The following SPPL3 variants were observed in gnomAD, a reference collection of about 807,000 sequenced individuals.
SPPL3 encodes signal peptide peptidase-like 3.
SPPL3 carries 5 observed loss-of-function variants against 42.4 expected under a neutral mutation model. The observed-to-expected ratio is 0.12, with a 90% CI of 0.06 to 0.25. SPPL3 has a LOEUF of 0.25. SPPL3 is among the 10% of genes least tolerant of loss of function. The pLI is 1.00. For missense variants in SPPL3, 235 were observed against 489.0 expected (o/e 0.48, Z 4.90); for synonymous variants, 195 against 181.8 (o/e 1.07, Z -0.58).
intron 1 of SPPL3, among the ~76,000 whole-genome samples, chr12:120,898,316 A>ATT (rs1873875409): frequency 1.1e-5 from 1 of 87,012 alleles, no homozygotes; most frequent in Non-Finnish European, 2.4e-5. Context: ...TTTTTTTTTA[A>ATT]AAAAAAAAAA....
chr12:120,852,770 T>TTC lies in SPPL3; in HGVS notation c.24-41885_24-41884insGA, dbSNP rs1474669819. On this transcript the variant is annotated intron_variant, in intron 1 of 10. Coordinates refer to ENST00000353487, the MANE Select transcript of SPPL3 (RefSeq NM_139015.5). ...TTTCATATATTATATCTATGTATATTATATATAAAATATATTTCATATATC... is the reference window on the plus strand; with the variant it reads ...TTTCATATATTATATCTATGTATATTTCATATATAAAATATATTTCATATATC... Among the ~76,000 whole-genome samples, 8 of 98,320 alleles carry TTC rather than the reference T, an allele frequency of 8.1e-5. No individual in the cohort carries two copies. The South Asian group carries it at 2.3e-3, about 28-fold the overall frequency. 64.5% of individuals were successfully genotyped at this position (98,320 alleles called of 152,430 possible).
At chr12:120,878,959 C>CAAA (rs1161015666) in intron 1 of SPPL3, among the ~76,000 whole-genome samples, 223 of 151,288 alleles carry the variant, frequency 1.5e-3, no homozygotes, top group African/African-American at 5.1e-3. Context: ...ACATAAAATA[C>CAAA]AAAATTAGCT....
chr12:120,886,356 C>T (rs1305701144), intron 1 of SPPL3, among the ~76,000 whole-genome samples: 2 of 152,006 alleles, frequency 1.3e-5, no homozygotes, highest in Non-Finnish European at 2.9e-5. Flanking sequence ...TATAGCAGAG[C>T]CCCAAAAGGC....
At chr12:120,890,588 C>CAAA (rs34253596) in intron 1 of SPPL3, among the ~76,000 whole-genome samples, 12 of 91,408 alleles carry the variant, frequency 1.3e-4, no homozygotes, top group South Asian at 3.5e-4. Flanking sequence ...GACTCCGTCT[C>CAAA]AAAAAAAAAA....
rs118120765 is a variant in SPPL3 at position 120,888,747 on chromosome 12, T to C, written c.23+15098A>G. On this transcript the variant is annotated intron_variant, in intron 1 of 10. Coordinates refer to ENST00000353487, the MANE Select transcript of SPPL3 (RefSeq NM_139015.5). ...GGTGACGACTGCCCAACTCTGTAGA[T>C]ATAATAAAAACTACTTAATTGTACA... Among the ~76,000 whole-genome samples the C allele has an allele frequency of 5.0e-4, 76 of 152,302 alleles. No individual in the cohort carries two copies. The East Asian group carries it at 0.014, about 28-fold the overall frequency.
chr12:120,899,330 T>A (rs1424352599), intron 1 of SPPL3, among the ~76,000 whole-genome samples: 1 of 152,180 alleles, frequency 6.6e-6, no homozygotes, highest in African/African-American at 2.4e-5. Context: ...AGTACTTGGG[T>A]TATAAACACT....
intron 1 of SPPL3, among the ~76,000 whole-genome samples, chr12:120,860,723 T>C (rs988028370): frequency 6.6e-6 from 1 of 152,174 alleles, no homozygotes; most frequent in African/African-American, 2.4e-5. Flanking sequence ...AAGGAGAAAT[T>C]AGTCTGGTAC....
intron 2 of SPPL3, among the ~76,000 whole-genome samples, chr12:120,797,221 T>C (rs918941606): frequency 6.6e-6 from 1 of 151,920 alleles, no homozygotes; most frequent in Non-Finnish European, 1.5e-5. Context: ...TGTTCAAGGA[T>C]TCTGTGTAGA....
chr12:120,853,182 C>T (rs112428213), intron 1 of SPPL3, among the ~76,000 whole-genome samples: 7 of 152,230 alleles, frequency 4.6e-5, no homozygotes, highest in South Asian at 4.1e-4. Flanking sequence ...CAGGCATGAG[C>T]CACTACGCCC....
chr12:120,810,406 C>G (rs1032946847), intron 2 of SPPL3, among the ~76,000 whole-genome samples: 18 of 151,944 alleles, frequency 1.2e-4, no homozygotes, highest in African/African-American at 3.9e-4. Context: ...ATGAAATGTT[C>G]TCTTTGTCAT....
At chr12:120,766,141 C>T (rs896996277) in intron 10 of SPPL3, 122 bp downstream of exon 10, 3 of 681,066 alleles carry the variant, frequency 4.4e-6, no homozygotes, top group African/African-American at 3.7e-5. Flanking sequence ...CACACACACA[C>T]AGTCGAGATC....
chr12:120,855,011 A>AG (rs1398776217), intron 1 of SPPL3, among the ~76,000 whole-genome samples: 4 of 152,222 alleles, frequency 2.6e-5, no homozygotes, highest in Non-Finnish European at 4.4e-5. Flanking sequence ...GGGAAGGGAC[A>AG]GGGAAGGAAG....
chr12:120,800,825 G>A (rs911708221), intron 2 of SPPL3, among the ~76,000 whole-genome samples: 1 of 152,124 alleles, frequency 6.6e-6, no homozygotes, highest in Non-Finnish European at 1.5e-5. Context: ...AGAACATCCA[G>A]GGGGTTAAAA....
At chr12:120,827,593 C>T (rs1428142597) in intron 1 of SPPL3, among the ~76,000 whole-genome samples, 2 of 152,164 alleles carry the variant, frequency 1.3e-5, no homozygotes, top group African/African-American at 4.8e-5. Context: ...CATTCCCATC[C>T]AGGCAGCCTG....
chr12:120,808,103 GTTTT>G, intron 2 of SPPL3, among the ~76,000 whole-genome samples: 1 of 93,614 alleles, frequency 1.1e-5, no homozygotes, highest in South Asian at 3.3e-4. Context: ...TTTTTTTTTT[GTTTT>G]TTGTTTTCTT....
intron 6 of SPPL3, among the ~76,000 whole-genome samples, chr12:120,772,346 C>T (rs1334310570): frequency 1.3e-5 from 2 of 152,084 alleles, no homozygotes; most frequent in African/African-American, 2.4e-5. Flanking sequence ...ATGTGATGTG[C>T]CATAGAACGT....
At chr12:120,808,086 CT>C (rs63135760) in intron 2 of SPPL3, among the ~76,000 whole-genome samples, 34,876 of 132,662 alleles carry the variant, frequency 0.26, 7,229 homozygotes, top group African/African-American at 0.63. Context: ...AGTTTCTTTT[CT>C]TTTTTTTTTT....
intron 1 of SPPL3, among the ~76,000 whole-genome samples, chr12:120,892,407 G>A (rs1203441639): frequency 6.6e-6 from 1 of 152,170 alleles, no homozygotes; most frequent in Non-Finnish European, 1.5e-5. Context: ...CAATCAGAAA[G>A]AAGGCTCCAC....
intron 1 of SPPL3, among the ~76,000 whole-genome samples, chr12:120,829,994 CAAA>C (rs35847324): frequency 6.7e-5 from 8 of 119,546 alleles, no homozygotes; most frequent in Non-Finnish European, 5.3e-5. Flanking sequence ...AACTCCATCT[CAAA>C]AAAAAAAAAA....
Sources: allele counts gnomAD v4.1 joint callset (sites outside exome capture counted in the v4.1 genomes callset), GRCh38; gene constraint gnomAD v4.1.1; transcripts MANE v1.5; gene names NCBI Gene and HGNC (gene_info 2026-07-23, HGNC 2026-07-21).